Variants in ADGRG4 observed in about 807,000 individuals in gnomAD.
The protein encoded by ADGRG4 is adhesion G protein-coupled receptor G4.
ADGRG4 carries 122 observed loss-of-function variants against 126.2 expected under a neutral mutation model. That is an observed-to-expected ratio of 0.97 (90% CI 0.83 to 1.12). ADGRG4 has a LOEUF of 1.12. ADGRG4 is among the 50% of genes most tolerant of loss of function. The probability of loss-of-function intolerance (pLI) is 0.00; values close to 1 mark genes in which losing one functional copy is unlikely to be tolerated. For missense variants in ADGRG4, 2,481 were observed against 2,251.8 expected (o/e 1.10, Z -2.06); for synonymous variants, 943 against 838.7 (o/e 1.12, Z -2.15).
At chrX:136,394,545 C>T (rs1485353254) in intron 18 of ADGRG4, among the ~76,000 whole-genome samples, 1 of 111,859 alleles carries the variant, frequency 8.9e-6, no homozygotes, top group Non-Finnish European at 1.9e-5. Context: ...TTCCTGATCC[C>T]CTCCAAGTCT....
chrX:136,326,220 T>C (rs1215187858), intron 5 of ADGRG4, among the ~76,000 whole-genome samples: 1 of 112,745 alleles, frequency 8.9e-6, no homozygotes, highest in Non-Finnish European at 1.9e-5. Flanking sequence ...CAGAATGGCC[T>C]TGAAGGAGTT....
At chrX:136,403,151 AAC>A in intron 21 of ADGRG4, 91 bp from the exon 22 acceptor site, 2 of 632,204 alleles carry the variant, frequency 3.2e-6, no homozygotes, top group East Asian at 3.3e-5. Flanking sequence ...GGCTTATTTA[AAC>A]AGTGTCTTAA....
intron 16 of ADGRG4, among the ~76,000 whole-genome samples, chrX:136,390,938 C>G (rs1195159087): frequency 9.0e-6 from 1 of 110,514 alleles, no homozygotes; most frequent in African/African-American, 3.3e-5. Context: ...AACAAGAGAG[C>G]TAGGGTTAGC....
Position 136,405,724 on chromosome X carries a change from T to G in ADGRG4, c.8687T>G (p.Ile2896Ser). ...ATTAAAGATGATTCTATCTTTTACATCTCAGTGGTGGCTTATTTTTGCCTC... is the reference window on the plus strand; with the variant it reads ...ATTAAAGATGATTCTATCTTTTACAGCTCAGTGGTGGCTTATTTTTGCCTC... ...CWIKDDSIFY[I>S]SVVAYFCLIF... The change falls in exon 23 of 26, where the codon ATC becomes AGC. Residue 2896 changes from isoleucine (I) to serine (S), a missense_variant. Coordinates refer to ENST00000394143, the MANE Select transcript of ADGRG4 (RefSeq NM_153834.4). The G allele has an allele frequency of 1.7e-6, 2 of 1,189,767 alleles. No homozygotes were observed. The highest frequency in any genetic ancestry group is 2.3e-6 in the Non-Finnish European group (2 of 881,153).
chrX:136,408,373 T>G (rs1451530750), intron 23 of ADGRG4, among the ~76,000 whole-genome samples: 2 of 111,564 alleles, frequency 1.8e-5, no homozygotes, highest in Non-Finnish European at 3.8e-5. Context: ...TTTTCCCTCT[T>G]CTCCCCCTAA....
rs778066740 is a variant in ADGRG4 at position 136,344,457 on chromosome X, A to G, written c.751A>G (p.Thr251Ala). The G allele has an allele frequency of 5.3e-5, 63 of 1,189,022 alleles. No individual in the cohort carries two copies. Among genetic ancestry groups the G allele is most frequent in the Non-Finnish European group, 7.1e-5 (62 of 877,122 alleles). ...TGTTTCACAACAGATAGATATGACCACTCCATCCCAAATTACTGGAGTAAA... is the reference window on the plus strand; with the variant it reads ...TGTTTCACAACAGATAGATATGACCGCTCCATCCCAAATTACTGGAGTAAA... Reference protein sequence around the residue: ...TTVSQQIDMTTPSQITGVKPQ... With the variant: ...TTVSQQIDMTAPSQITGVKPQ... The change falls in exon 6 of 26, where the codon ACT becomes GCT. Residue 251 changes from threonine (T) to alanine (A), a missense_variant. By Grantham distance (58) the Thr-to-Ala change is moderately conservative. Coordinates refer to ENST00000394143, the MANE Select transcript of ADGRG4 (RefSeq NM_153834.4).
In ADGRG4 at chrX:136,349,788, C is replaced by A; in HGVS notation, c.6082C>A (p.His2028Asn). ...TCCGGCAACTGTATCTAATGCCCCT[C>A]ATGTTATGACTTCCTCTACAGTAGA... is the stretch of plus-strand genomic sequence containing the variant. ...SPPATVSNAP[H>N]VMTSSTVEVS... Residue 2028 changes from histidine to asparagine, a missense_variant, in exon 6 of 26, where the codon CAT becomes AAT. Coordinates refer to ENST00000394143, the MANE Select transcript of ADGRG4 (RefSeq NM_153834.4). 3 of 1,210,366 alleles carry A rather than the reference C, an allele frequency of 2.5e-6. No homozygotes were observed. Among genetic ancestry groups the A allele is most frequent in the Non-Finnish European group, 3.4e-6 (3 of 894,785 alleles).
chrX:136,314,546 T>C (rs1202663384), intron 4 of ADGRG4, among the ~76,000 whole-genome samples: 2 of 111,742 alleles, frequency 1.8e-5, no homozygotes, highest in Non-Finnish European at 3.8e-5. Context: ...CTGGCTCTTT[T>C]TTCATCCCTT....
chrX:136,403,130 C>T (rs1368434655), intron 21 of ADGRG4, 114 bp from the exon 22 acceptor site: 2 of 536,356 alleles, frequency 3.7e-6, no homozygotes, highest in African/African-American at 2.3e-5. Context: ...TTTTGATGCC[C>T]GCACATCTGT....
chrX:136,416,458 C>T lies in ADGRG4; in HGVS notation c.9210C>T (p.Asp3070=), dbSNP rs759648292. ...TPSEISFPND[D]FDKDPYCSSP The stretch of plus-strand genomic sequence containing the variant: ...TTCTTTTTTTCTTTACTGCAGATGA[C>T]TTTGACAAAGATCCTTACTGTTCCT... The change falls in exon 26 of 26, where the codon GAC becomes GAT. Residue 3070 remains aspartate (D), a synonymous_variant. Transcript: ENST00000394143. 2.5e-6 allele frequency: 3 copies of T among 1,201,007 alleles called. No individual in the cohort carries two copies. Among genetic ancestry groups the T allele is most frequent in the South Asian group, 3.6e-5 (2 of 55,299 alleles).
intron 15 of ADGRG4, among the ~76,000 whole-genome samples, chrX:136,385,576 T>C (rs2075288829): frequency 8.9e-6 from 1 of 111,938 alleles, no homozygotes; most frequent in Non-Finnish European, 1.9e-5. Context: ...GTCTGCTAAT[T>C]CTAATATCTG....
chrX:136,311,667 T>A (rs759801372), intron 4 of ADGRG4, among the ~76,000 whole-genome samples: 37 of 110,336 alleles, frequency 3.4e-4, no homozygotes, highest in African/African-American at 1.2e-3. Context: ...AGAGACGACC[T>A]GACTAGGAAT....
chrX:136,310,748 T>G (rs2074764061), intron 4 of ADGRG4, among the ~76,000 whole-genome samples: 1 of 111,114 alleles, frequency 9.0e-6, no homozygotes, highest in Non-Finnish European at 1.9e-5. Context: ...TGTATTAAAG[T>G]CTATGGGGTG....
At chrX:136,409,048 GACACAC>G (rs71995144) in intron 23 of ADGRG4, among the ~76,000 whole-genome samples, 1,946 of 90,518 alleles carry the variant, frequency 0.021, 29 homozygotes, top group African/African-American at 0.052. Context: ...TCAAATTCAA[GACACAC>G]ACACACACAC....
chrX:136,319,022 A>G (rs2074822402), intron 4 of ADGRG4, among the ~76,000 whole-genome samples: 2 of 112,878 alleles, frequency 1.8e-5, no homozygotes, highest in South Asian at 7.3e-4. Context: ...TTTGGACTTG[A>G]AAATTGCCAG....
At chrX:136,400,500 A>G (rs2075374034) in intron 21 of ADGRG4, among the ~76,000 whole-genome samples, 1 of 112,159 alleles carries the variant, frequency 8.9e-6, no homozygotes, top group Admixed American at 9.5e-5. Flanking sequence ...AATCCTCATA[A>G]TATCTCCACG....
chrX:136,346,754 A>T lies in ADGRG4; in HGVS notation c.3048A>T (p.Ser1016=). The T allele has an allele frequency of 8.3e-7, 1 of 1,210,370 alleles. No individual in the cohort carries two copies. The highest frequency in any genetic ancestry group is 3.0e-5 in the East Asian group (1 of 33,814). Residue 1016 remains serine (S), a synonymous_variant, in exon 6 of 26, where the codon TCA becomes TCT. Transcript: ENST00000394143. ...CTGTGCCTGTTACTCATATGTTCTC[A>T]TTGCCAGTTAATGGCAGTTCTGTGG... ...ATPVPVTHMF[S]LPVNGSSVVA...
At chrX:136,411,461 G>A (rs2075445922) in intron 23 of ADGRG4, among the ~76,000 whole-genome samples, 3 of 112,954 alleles carry the variant, frequency 2.7e-5, no homozygotes, top group African/African-American at 9.6e-5. Flanking sequence ...CCCCCTTGCA[G>A]GACAAAATCA....
At chrX:136,393,112 G>C (rs929412645) in intron 17 of ADGRG4, among the ~76,000 whole-genome samples, 1 of 111,660 alleles carries the variant, frequency 9.0e-6, no homozygotes, top group Middle Eastern at 4.2e-3. Flanking sequence ...TGAAGTCTTA[G>C]GAATGTTCTG....
Sources: gnomAD v4.1 joint callset for allele counts (sites outside exome capture counted in the v4.1 genomes callset) on GRCh38, gnomAD v4.1.1 for gene constraint, MANE v1.5 for transcripts, NCBI Gene and HGNC (gene_info 2026-07-23, HGNC 2026-07-21) for gene names.